Variants in DEPDC1B observed in about 807,000 individuals in gnomAD.
DEPDC1B encodes DEP domain-containing protein 1B.
DEPDC1B carries 51 observed loss-of-function variants against 66.5 expected under a neutral mutation model. The ratio of observed to expected loss-of-function variants is 0.77; its 90% CI spans 0.61 to 0.97. The LOEUF (loss-of-function observed/expected upper bound fraction) is 0.97, where lower values mean the gene tolerates loss of function less well. DEPDC1B is among the 50% of genes least tolerant of loss of function. The pLI, the probability that DEPDC1B is intolerant of heterozygous loss-of-function variation, is 0.00. For missense variants in DEPDC1B, 552 were observed against 637.1 expected (o/e 0.87, Z 1.44); for synonymous variants, 226 against 223.6 (o/e 1.01, Z -0.10).
intron 4 of DEPDC1B, 150 bp from the exon 5 acceptor site, chr5:60,645,025 CA>C: frequency 1.9e-6 from 1 of 538,514 alleles, no homozygotes; most frequent in African/African-American, 2.0e-5. Flanking sequence ...AAATGGAGTA[CA>C]ATAAAACAAA....
intron 7 of DEPDC1B, among the ~76,000 whole-genome samples, chr5:60,619,517 C>A (rs556814669): frequency 1.3e-5 from 2 of 152,186 alleles, no homozygotes; most frequent in Non-Finnish European, 2.9e-5. Flanking sequence ...AGAGCCAAAT[C>A]ACGAGTGAAC....
At chr5:60,660,712 A>G (rs1484509845) in intron 2 of DEPDC1B, among the ~76,000 whole-genome samples, 1 of 152,338 alleles carries the variant, frequency 6.6e-6, no homozygotes, top group Admixed American at 6.5e-5. Flanking sequence ...CTAACTCAAA[A>G]ATCTTAAAGT....
chr5:60,616,331 A>T (rs1752553697), intron 7 of DEPDC1B, among the ~76,000 whole-genome samples: 1 of 152,226 alleles, frequency 6.6e-6, no homozygotes, highest in South Asian at 2.1e-4. Flanking sequence ...GCTTCAGATG[A>T]TCAAACTACT....
intron 7 of DEPDC1B, among the ~76,000 whole-genome samples, chr5:60,629,640 A>C (rs1752880573): frequency 6.6e-6 from 1 of 152,356 alleles, no homozygotes; most frequent in South Asian, 2.1e-4. Flanking sequence ...TTTACCTGGT[A>C]GTCAAATTCA....
At chr5:60,678,845 GTCCTCTCA>G (rs971827206) in intron 2 of DEPDC1B, among the ~76,000 whole-genome samples, 4 of 152,136 alleles carry the variant, frequency 2.6e-5, no homozygotes, top group African/African-American at 9.7e-5. Context: ...TCTGTAGCTT[GTCCTCTCA>G]TCCTCTCATC....
At chr5:60,688,587 T>C (rs1030129595) in intron 1 of DEPDC1B, among the ~76,000 whole-genome samples, 9 of 152,198 alleles carry the variant, frequency 5.9e-5, no homozygotes, top group Non-Finnish European at 1.3e-4. Context: ...CATTATAGCA[T>C]CATTGCTGCT....
intron 1 of DEPDC1B, among the ~76,000 whole-genome samples, chr5:60,690,958 G>C (rs1207123853): frequency 6.6e-6 from 1 of 152,168 alleles, no homozygotes; most frequent in Non-Finnish European, 1.5e-5. Flanking sequence ...ACAGAAGTGG[G>C]GTTTGTGTAT....
chr5:60,651,512 CAGAG>C (rs932497428), intron 2 of DEPDC1B, among the ~76,000 whole-genome samples: 2 of 143,804 alleles, frequency 1.4e-5, no homozygotes, highest in African/African-American at 5.3e-5. Flanking sequence ...GACTGGGCAA[CAGAG>C]AGAGACTCCA....
chr5:60,664,041 T>G (rs1406424407), intron 2 of DEPDC1B, among the ~76,000 whole-genome samples: 3 of 152,136 alleles, frequency 2.0e-5, no homozygotes, highest in Non-Finnish European at 1.5e-5. Context: ...ACACACTAAT[T>G]AAGGAAACTC....
chr5:60,612,421 TA>T (rs564965370), intron 7 of DEPDC1B, among the ~76,000 whole-genome samples: 1,778 of 97,266 alleles, frequency 0.018, 17 homozygotes, highest in African/African-American at 0.05. Flanking sequence ...AGACTCCACC[TA>T]AAAAAAAAAA....
rs1752120409 is a variant in DEPDC1B, at chr5:60,597,542, T to C, written c.*211A>G. The C allele has an allele frequency of 2.1e-6, 1 of 482,406 alleles. No homozygotes were observed. The highest frequency in any genetic ancestry group is 3.0e-5 in the South Asian group (1 of 33,620). 29.9% of individuals were successfully genotyped at this position (482,406 alleles called of 1,614,324 possible). ...ATCACTATATATTTGACTCATAAATTTTAACCAATTTATACACTTTAAAAC... is the reference window on the plus strand; with the variant it reads ...ATCACTATATATTTGACTCATAAATCTTAACCAATTTATACACTTTAAAAC... On this transcript the variant is annotated 3_prime_UTR_variant, in exon 11 of 11. Transcript: ENST00000265036.
At chr5:60,664,290 T>C (rs1753788175) in intron 2 of DEPDC1B, among the ~76,000 whole-genome samples, 1 of 152,220 alleles carries the variant, frequency 6.6e-6, no homozygotes, top group African/African-American at 2.4e-5. Flanking sequence ...AGGGTTGGCC[T>C]CATTGTTTAC....
chr5:60,654,743 G>A (rs865779810), intron 2 of DEPDC1B, among the ~76,000 whole-genome samples: 10 of 148,842 alleles, frequency 6.7e-5, no homozygotes, highest in African/African-American at 2.5e-4. Context: ...TCCCTGTTCA[G>A]TATAGTGTTG....
At position 60,622,270 on chromosome 5, in the gene DEPDC1B, T is replaced by G. The variant is rs116039395; in HGVS notation, c.899-16414A>C. Among the ~76,000 whole-genome samples, 615 of 152,288 alleles carry G rather than the reference T, an allele frequency of 4.0e-3. 3 individuals carry two copies. Among genetic ancestry groups the G allele is most frequent in the African/African-American group, 0.013 (520 of 41,572 alleles). On this transcript the variant is annotated intron_variant, in intron 7 of 10. Coordinates refer to ENST00000265036, the MANE Select transcript of DEPDC1B (RefSeq NM_018369.3). The stretch of plus-strand genomic sequence containing the variant: ...CCCTAGACCAAAGCAACCTCTGACC[T>G]GCTTTCTGCCTCCATAGATTCCCCT...
intron 6 of DEPDC1B, among the ~76,000 whole-genome samples, chr5:60,640,991 T>C (rs1753177295): frequency 6.6e-6 from 1 of 152,226 alleles, no homozygotes; most frequent in Non-Finnish European, 1.5e-5. Flanking sequence ...TAAATAAACA[T>C]CTTTACAGAT....
intron 10 of DEPDC1B, 130 bp from the exon 11 acceptor site, chr5:60,598,044 T>C (rs1752132329): frequency 4.0e-6 from 3 of 756,802 alleles, no homozygotes; most frequent in Non-Finnish European, 6.0e-6. Flanking sequence ...AAACATTTCA[T>C]TCCAATTTCT....
At chr5:60,671,202 T>C (rs773019145) in intron 2 of DEPDC1B, among the ~76,000 whole-genome samples, 14 of 152,046 alleles carry the variant, frequency 9.2e-5, no homozygotes, top group Non-Finnish European at 1.9e-4. Context: ...AGGGAGAGAA[T>C]GAGTACCAGC....
chr5:60,653,781 A>G lies in DEPDC1B; in HGVS notation c.315-6248T>C, dbSNP rs1171715387. On this transcript the variant is annotated intron_variant, in intron 2 of 10. Coordinates refer to ENST00000265036, the MANE Select transcript of DEPDC1B (RefSeq NM_018369.3). Reference sequence around the variant, plus strand: ...TAATCCATCTTGAGTTGATTTTTGCATAAGGTGAGAGATGAGGATCCAGAT... The same window carrying G: ...TAATCCATCTTGAGTTGATTTTTGCGTAAGGTGAGAGATGAGGATCCAGAT... Among the ~76,000 whole-genome samples, 2 of 132,064 alleles carry G rather than the reference A, an allele frequency of 1.5e-5. 1 individual carries two copies. The highest frequency in any genetic ancestry group is 3.1e-5 in the Non-Finnish European group (2 of 65,372). The allele number at this position is 132,064 out of a possible 152,430, so 86.6% of individuals were successfully genotyped here.
At chr5:60,613,452 T>C (rs181795386) in intron 7 of DEPDC1B, among the ~76,000 whole-genome samples, 42 of 152,208 alleles carry the variant, frequency 2.8e-4, no homozygotes, top group Admixed American at 5.9e-4. Context: ...GATCTGAGAA[T>C]CCCAAAACAG....
Sources: allele counts gnomAD v4.1 joint callset (sites outside exome capture counted in the v4.1 genomes callset), GRCh38; gene constraint gnomAD v4.1.1; transcripts MANE v1.5; gene names NCBI Gene and HGNC (gene_info 2026-07-23, HGNC 2026-07-21).